Variants in SHROOM3 observed in about 807,000 individuals in gnomAD.
SHROOM3 encodes the protein protein Shroom3.
In SHROOM3, 47 loss-of-function variants were observed where a neutral mutation model predicts 138.6. That is an observed-to-expected ratio of 0.34 (90% confidence interval 0.27 to 0.43). The LOEUF (loss-of-function observed/expected upper bound fraction) is 0.43. Among genes scored for constraint, SHROOM3 ranks in the 20% least tolerant of loss-of-function variants. The pLI, the probability that SHROOM3 is intolerant of heterozygous loss-of-function variation, is 1.00. For missense variants in SHROOM3, 2,491 were observed against 2,596.5 expected, an observed-to-expected ratio of 0.96 and a Z score of 0.88; for synonymous variants, 1,062 against 1,063.3, an observed-to-expected ratio of 1.00 and a Z score of 0.02.
chr4:76,503,354 G>A (rs967499088), intron 1 of SHROOM3, among the ~76,000 whole-genome samples: 1 of 151,996 alleles, frequency 6.6e-6, no homozygotes, highest in Non-Finnish European at 1.5e-5. Context: ...TATTTCATTA[G>A]ATTTATTCCT....
chr4:76,697,918 T>C (rs991964782), intron 2 of SHROOM3, among the ~76,000 whole-genome samples: 2 of 152,174 alleles, frequency 1.3e-5, no homozygotes, highest in Non-Finnish European at 2.9e-5. Flanking sequence ...CAAGCATTTA[T>C]GACACTACCC....
chr4:76,593,243 AG>A (rs1158019740), intron 2 of SHROOM3, among the ~76,000 whole-genome samples: 1 of 152,226 alleles, frequency 6.6e-6, no homozygotes, highest in African/African-American at 2.4e-5. Context: ...GAAATGCTTC[AG>A]GAGAGGCTGA....
In SHROOM3 at chr4:76,471,796, C is replaced by A. The variant is rs72864636; in HGVS notation, c.168+35576C>A. ...AACATCTGAAGAAACATCTGAGAGA[C>A]ACCAAGGATGCAGTGAGAATCTTTT... On this transcript the variant is annotated intron_variant, in intron 1 of 10. Transcript: ENST00000296043. Among the ~76,000 whole-genome samples, 635 of 152,298 alleles carry A rather than the reference C, an allele frequency of 4.2e-3. 11 individuals are homozygous for A. The highest frequency in any genetic ancestry group is 0.015 in the African/African-American group (609 of 41,562).
At chr4:76,582,554 T>TAACA (rs1161136901) in intron 2 of SHROOM3, among the ~76,000 whole-genome samples, 1 of 152,204 alleles carries the variant, frequency 6.6e-6, no homozygotes, top group African/African-American at 2.4e-5. Flanking sequence ...TGGTCTGCAG[T>TAACA]TCATCAACAG....
intron 3 of SHROOM3, among the ~76,000 whole-genome samples, chr4:76,712,379 A>T (rs1577989690): frequency 6.6e-6 from 1 of 152,232 alleles, no homozygotes; most frequent in Non-Finnish European, 1.5e-5. Context: ...GGCAGGAATC[A>T]CAGAAACTGA....
At chr4:76,480,563 A>G (rs1731587161) in intron 1 of SHROOM3, among the ~76,000 whole-genome samples, 1 of 152,060 alleles carries the variant, frequency 6.6e-6, no homozygotes, top group Non-Finnish European at 1.5e-5. Flanking sequence ...CCCACTGTCA[A>G]TATTAGATCA....
At position 76,740,825 on chromosome 4, in the gene SHROOM3, G is replaced by T. The variant is rs758377108; in HGVS notation, c.2652G>T (p.Arg884=). 1 of 1,600,776 alleles carries T rather than the reference G, an allele frequency of 6.2e-7. No homozygotes were observed. The highest frequency in any genetic ancestry group is 8.5e-7 in the Non-Finnish European group (1 of 1,174,088). The part of the protein sequence containing the change: ...SGRGPQRPDA[R]LLRSQSTFQL... ...GTGGCCCCCAGAGGCCGGACGCTCG[G>T]CTCCTCCGTAGCCAGAGCACCTTCC... The change falls in exon 5 of 11, where the codon CGG becomes CGT. Residue 884 remains arginine, a synonymous_variant. Coordinates refer to ENST00000296043, the MANE Select transcript of SHROOM3 (RefSeq NM_020859.4). This position sits in a 1 kb window ranked among gnomAD's most constrained non-coding sequence, Gnocchi z 4.0.
At position 76,681,595 on chromosome 4, in the gene SHROOM3, GT is replaced by G. The variant is rs1394082127; in HGVS notation, c.324-28560del. On this transcript the variant is annotated intron_variant, in intron 2 of 10. Coordinates refer to ENST00000296043, the MANE Select transcript of SHROOM3 (RefSeq NM_020859.4). ...GTAAGAAGCTTAGGCAGAGTCTAGG[GT>G]GTGTGTGTGTGTGTGTGTGTGTGTG... Among the ~76,000 whole-genome samples the G allele has an allele frequency of 1.7e-4, 8 of 47,382 alleles. No homozygotes were observed. The South Asian group carries it at 3.8e-3, about 23-fold the overall frequency. The allele number at this position is 47,382 out of a possible 152,430, so 31.1% of individuals were successfully genotyped here. A position where few individuals can be genotyped will look rare whatever the true frequency, so the allele number is the denominator to read the frequency against.
chr4:76,465,252 G>A lies in SHROOM3; in HGVS notation c.168+29032G>A, dbSNP rs568406651. 4.6e-5 allele frequency among the ~76,000 whole-genome samples: 7 copies of A among 152,286 alleles called. No individual in the cohort carries two copies. In the South Asian group the frequency reaches 1.5e-3, roughly 32 times the overall value. On this transcript the variant is annotated intron_variant, in intron 1 of 10. Transcript: ENST00000296043. Reference sequence around the variant, plus strand: ...GTGTGCACTTATCTAAGAAGTTGTAGTAGCCAAGGTGGTACACTGCTCAGA... The same window carrying A: ...GTGTGCACTTATCTAAGAAGTTGTAATAGCCAAGGTGGTACACTGCTCAGA...
intron 9 of SHROOM3, among the ~76,000 whole-genome samples, chr4:76,768,304 C>T (rs990287131): frequency 4.6e-5 from 7 of 152,206 alleles, no homozygotes; most frequent in Admixed American, 2.6e-4. Flanking sequence ...GCTGATATCA[C>T]AGTGAAAGAT....
rs562990564 is a variant in SHROOM3 at position 76,664,693 on chromosome 4, G to A, written c.324-45463G>A. Among the ~76,000 whole-genome samples, 8 of 152,292 alleles carry A rather than the reference G, an allele frequency of 5.3e-5. No individual in the cohort carries two copies. The South Asian group carries it at 1.7e-3, about 32-fold the overall frequency. ...TTTGTCATCTTAACCAGTTTTAAGT[G>A]TATAGGTCAATAATGTTAAGTGTAT... On this transcript the variant is annotated intron_variant, in intron 2 of 10. Coordinates refer to ENST00000296043, the MANE Select transcript of SHROOM3 (RefSeq NM_020859.4). This position sits in a 1 kb window ranked among gnomAD's most constrained non-coding sequence, Gnocchi z 4.2.
chr4:76,516,482 C>CT (rs537727145), intron 1 of SHROOM3, among the ~76,000 whole-genome samples: 23 of 152,136 alleles, frequency 1.5e-4, no homozygotes, highest in South Asian at 1.5e-3. Context: ...TTTGCCCTAT[C>CT]TAAGCCCCTA....
intron 2 of SHROOM3, among the ~76,000 whole-genome samples, chr4:76,565,669 C>T (rs1048837548): frequency 2.6e-5 from 4 of 151,892 alleles, no homozygotes; most frequent in Admixed American, 2.6e-4. Context: ...TTTTTGTAGA[C>T]AGAGTCTCGC....
At chr4:76,532,765 C>T (rs1272367506) in intron 1 of SHROOM3, among the ~76,000 whole-genome samples, 1 of 151,920 alleles carries the variant, frequency 6.6e-6, no homozygotes, top group African/African-American at 2.4e-5. Flanking sequence ...TTTCTAAAGT[C>T]AAGAACTTCC....
intron 2 of SHROOM3, among the ~76,000 whole-genome samples, chr4:76,672,523 T>C (rs1173104067): frequency 6.6e-6 from 1 of 152,088 alleles, no homozygotes; most frequent in African/African-American, 2.4e-5. Context: ...GAAACTTAGT[T>C]ACTCCCCAAA....
intron 2 of SHROOM3, among the ~76,000 whole-genome samples, chr4:76,667,364 T>C (rs1322379250): frequency 6.6e-6 from 1 of 152,106 alleles, no homozygotes. Flanking sequence ...CTGTCACCCA[T>C]GCTGGATGCA....
chr4:76,436,309 C>A, intron 1 of SHROOM3, 89 bp downstream of exon 1: 1 of 1,398,042 alleles, frequency 7.2e-7, no homozygotes, highest in Non-Finnish European at 1.0e-6. Context: ...TGAGAACTGC[C>A]TTAATATAAC....
At chr4:76,563,464 T>A (rs183432708) in intron 2 of SHROOM3, among the ~76,000 whole-genome samples, 2 of 152,206 alleles carry the variant, frequency 1.3e-5, no homozygotes, top group Non-Finnish European at 2.9e-5. Context: ...AGCTCATTGG[T>A]GGAAGGTTGA....
intron 2 of SHROOM3, among the ~76,000 whole-genome samples, chr4:76,661,526 G>A (rs1736187381): frequency 1.3e-5 from 2 of 152,088 alleles, no homozygotes; most frequent in South Asian, 4.1e-4. Flanking sequence ...GAGACACTGC[G>A]CCTGGCAAAT....
Sources: allele counts gnomAD v4.1 joint callset (sites outside exome capture counted in the v4.1 genomes callset), GRCh38; gene constraint gnomAD v4.1.1; non-coding constraint Gnocchi (gnomAD v3.1); transcripts MANE v1.5; gene names NCBI Gene and HGNC (gene_info 2026-07-23, HGNC 2026-07-21).